IQGAP2: variants seen among roughly 807,000 people sequenced by gnomAD.
The protein encoded by IQGAP2 is IQ motif containing GTPase activating protein 2.
In IQGAP2, 173 loss-of-function variants were observed where a neutral mutation model predicts 201.3. The ratio of observed to expected loss-of-function variants is 0.86; its 90% CI spans 0.76 to 0.98. The LOEUF (loss-of-function observed/expected upper bound fraction) is 0.98, where lower values mean the gene tolerates loss of function less well. Among genes scored for constraint, IQGAP2 ranks in the 50% least tolerant of loss-of-function variants. The pLI, the probability that IQGAP2 is intolerant of heterozygous loss-of-function variation, is 0.00. For missense variants in IQGAP2, 1,687 were observed against 1,864.8 expected, an observed-to-expected ratio of 0.90 and a Z score of 1.76; for synonymous variants, 675 against 673.9, an observed-to-expected ratio of 1.00 and a Z score of -0.03.
intron 17 of IQGAP2, among the ~76,000 whole-genome samples, chr5:76,649,111 A>C (rs1386289043): frequency 6.6e-6 from 1 of 152,248 alleles, no homozygotes; most frequent in African/African-American, 2.4e-5. Context: ...TGAAAACAAA[A>C]GACAAAGAAA....
chr5:76,688,432 C>A (rs1188131647), intron 30 of IQGAP2, among the ~76,000 whole-genome samples: 1 of 152,138 alleles, frequency 6.6e-6, no homozygotes, highest in Non-Finnish European at 1.5e-5. Context: ...CCATGCTAGT[C>A]TCATAATTCT....
chr5:76,687,829 A>G (rs1745926175), intron 30 of IQGAP2, among the ~76,000 whole-genome samples: 1 of 152,220 alleles, frequency 6.6e-6, no homozygotes, highest in Admixed American at 6.5e-5. Flanking sequence ...CTCATTCTGT[A>G]TTATGGTGAG....
At chr5:76,457,376 T>G (rs967434194) in intron 1 of IQGAP2, among the ~76,000 whole-genome samples, 1 of 152,214 alleles carries the variant, frequency 6.6e-6, no homozygotes, top group African/African-American at 2.4e-5. Context: ...GCCCTGGTTT[T>G]GGGGCCTCTT....
At chr5:76,696,679 T>C (rs546382958) in intron 32 of IQGAP2, among the ~76,000 whole-genome samples, 2 of 152,338 alleles carry the variant, frequency 1.3e-5, no homozygotes, top group East Asian at 3.9e-4. Context: ...GGCTTATTCC[T>C]TCTAGCCCAA....
intron 1 of IQGAP2, among the ~76,000 whole-genome samples, chr5:76,431,873 C>T (rs1752388985): frequency 6.6e-6 from 1 of 150,494 alleles, no homozygotes; most frequent in South Asian, 2.1e-4. Context: ...CCTCTTACTG[C>T]TCAGGCAGTC....
chr5:76,424,049 T>G (rs1383959535), intron 1 of IQGAP2, among the ~76,000 whole-genome samples: 1 of 152,194 alleles, frequency 6.6e-6, no homozygotes, highest in Admixed American at 6.5e-5. Flanking sequence ...AAATAATTTC[T>G]ATAGCAACAG....
chr5:76,471,227 G>A (rs959014284), intron 2 of IQGAP2, among the ~76,000 whole-genome samples: 1 of 152,130 alleles, frequency 6.6e-6, no homozygotes, highest in Non-Finnish European at 1.5e-5. Context: ...TGAGTAAATA[G>A]TTATGAATGG....
At chr5:76,672,186 A>G (rs1297312065) in intron 24 of IQGAP2, among the ~76,000 whole-genome samples, 2 of 152,222 alleles carry the variant, frequency 1.3e-5, no homozygotes, top group African/African-American at 4.8e-5. Flanking sequence ...GGTGATCCCC[A>G]ATGCCACAAC....
intron 2 of IQGAP2, among the ~76,000 whole-genome samples, chr5:76,509,626 C>T (rs1757835284): frequency 6.6e-6 from 1 of 152,102 alleles, no homozygotes; most frequent in South Asian, 2.1e-4. Context: ...AATCTCTTGA[C>T]CTCGTGATCC....
chr5:76,431,374 G>A (rs903593287), intron 1 of IQGAP2, among the ~76,000 whole-genome samples: 13 of 151,768 alleles, frequency 8.6e-5, no homozygotes, highest in African/African-American at 3.1e-4. Flanking sequence ...TAGTTAATTT[G>A]GTAAACATTT....
chr5:76,634,512 G>A (rs762987655), intron 15 of IQGAP2, among the ~76,000 whole-genome samples: 9 of 152,032 alleles, frequency 5.9e-5, no homozygotes, highest in African/African-American at 1.4e-4. Flanking sequence ...CACCTGCCTC[G>A]GCCTCCCAAA....
chr5:76,680,068 C>T (rs369098190), intron 28 of IQGAP2, among the ~76,000 whole-genome samples: 1 of 152,224 alleles, frequency 6.6e-6, no homozygotes, highest in Admixed American at 6.5e-5. Flanking sequence ...CAGATACTCT[C>T]TCCTTCACTG....
intron 2 of IQGAP2, among the ~76,000 whole-genome samples, chr5:76,561,580 C>G (rs1242332921): frequency 6.6e-6 from 1 of 152,166 alleles, no homozygotes; most frequent in Non-Finnish European, 1.5e-5. Flanking sequence ...GTTCTTGAAT[C>G]TTGCAGTAGG....
chr5:76,446,065 A>G (rs1753374070), intron 1 of IQGAP2, among the ~76,000 whole-genome samples: 1 of 152,202 alleles, frequency 6.6e-6, no homozygotes, highest in Admixed American at 6.5e-5. Context: ...TGTATATACC[A>G]CATTTTGCTT....
chr5:76,493,329 C>T (rs1561413420), intron 2 of IQGAP2, among the ~76,000 whole-genome samples: 1 of 151,752 alleles, frequency 6.6e-6, no homozygotes, highest in South Asian at 2.1e-4. Context: ...CCACTCTGAG[C>T]ACACTGGCCT....
intron 2 of IQGAP2, among the ~76,000 whole-genome samples, chr5:76,548,889 G>A (rs1291854133): frequency 2.0e-5 from 3 of 152,200 alleles, no homozygotes; most frequent in Non-Finnish European, 4.4e-5. Context: ...TGTATCTAGT[G>A]TAAGGCAATA....
intron 2 of IQGAP2, among the ~76,000 whole-genome samples, chr5:76,525,027 C>G (rs190820833): frequency 6.6e-6 from 1 of 152,168 alleles, no homozygotes; most frequent in Non-Finnish European, 1.5e-5. Context: ...ATTATGCATG[C>G]GAGTCTGGTG....
At chr5:76,433,902 T>C (rs1283020995) in intron 1 of IQGAP2, among the ~76,000 whole-genome samples, 1 of 152,222 alleles carries the variant, frequency 6.6e-6, no homozygotes, top group African/African-American at 2.4e-5. Context: ...GAAAAGTTTC[T>C]TACCTGTCAG....
chr5:76,543,701 G>T (rs1462799824), intron 2 of IQGAP2, among the ~76,000 whole-genome samples: 1 of 152,206 alleles, frequency 6.6e-6, no homozygotes, highest in Non-Finnish European at 1.5e-5. Context: ...TCAGTTGTGA[G>T]TTTGGACTTG....
Sources: gnomAD v4.1 joint callset for allele counts (sites outside exome capture counted in the v4.1 genomes callset) on GRCh38, gnomAD v4.1.1 for gene constraint, MANE v1.5 for transcripts, NCBI Gene and HGNC (gene_info 2026-07-23, HGNC 2026-07-21) for gene names.